CRTAC1: variants seen among roughly 807,000 people sequenced by gnomAD.
CRTAC1 encodes acidic secreted protein in cartilage.
In CRTAC1, 37 loss-of-function variants were observed where a neutral mutation model predicts 67.8. The ratio of observed to expected loss-of-function variants is 0.55; its 90% CI spans 0.42 to 0.72. The LOEUF is 0.72. Ranked by LOEUF, CRTAC1 falls within the 30% of genes least tolerant of loss-of-function variation. The pLI, the probability that CRTAC1 is intolerant of heterozygous loss-of-function variation, is 0.00. For missense variants in CRTAC1, 780 were observed against 931.6 expected, an observed-to-expected ratio of 0.84 and a Z score of 2.12; for synonymous variants, 348 against 371.0, an observed-to-expected ratio of 0.94 and a Z score of 0.71.
intron 2 of CRTAC1, among the ~76,000 whole-genome samples, chr10:97,945,829 T>G (rs568348069): frequency 6.6e-6 from 1 of 152,338 alleles, no homozygotes; most frequent in East Asian, 1.9e-4. Context: ...AAAGGGATGG[T>G]TGGCACCAAA....
chr10:97,982,899 A>G (rs1011980289), intron 2 of CRTAC1, among the ~76,000 whole-genome samples: 1 of 152,226 alleles, frequency 6.6e-6, no homozygotes, highest in Non-Finnish European at 1.5e-5. Flanking sequence ...GTAAATTAAC[A>G]AACAGCTTTT....
At chr10:97,970,139 C>T (rs1352987254) in intron 2 of CRTAC1, among the ~76,000 whole-genome samples, 1 of 152,222 alleles carries the variant, frequency 6.6e-6, no homozygotes, top group African/African-American at 2.4e-5. Context: ...CCTCTCCCAT[C>T]CCATACCCAA....
intron 1 of CRTAC1, among the ~76,000 whole-genome samples, chr10:98,012,299 G>A (rs932820431): frequency 2.0e-5 from 3 of 152,160 alleles, no homozygotes; most frequent in African/African-American, 4.8e-5. Flanking sequence ...CCAAGGAGGT[G>A]GAGGGATTCC....
At chr10:97,892,938 A>G (rs1360345044) in intron 11 of CRTAC1, among the ~76,000 whole-genome samples, 1 of 152,206 alleles carries the variant, frequency 6.6e-6, no homozygotes, top group African/African-American at 2.4e-5. Context: ...GTTCCCTATA[A>G]AAATTGGAGC....
At chr10:97,880,477 C>T (rs2050198688) in intron 13 of CRTAC1, 85 bp from the exon 14 acceptor site, 1 of 1,540,918 alleles carries the variant, frequency 6.5e-7, no homozygotes, top group Admixed American at 1.7e-5. Flanking sequence ...CACTGTCTGG[C>T]TTTGGGAATG....
chr10:97,899,258 C>G (rs1191227814), intron 8 of CRTAC1, among the ~76,000 whole-genome samples: 2 of 152,234 alleles, frequency 1.3e-5, no homozygotes. Context: ...AGCCACGTAC[C>G]TGGGAAGTGG....
intron 2 of CRTAC1, among the ~76,000 whole-genome samples, chr10:97,937,499 T>C (rs935479797): frequency 1.3e-5 from 2 of 152,224 alleles, no homozygotes; most frequent in Non-Finnish European, 2.9e-5. Context: ...CACTAGAATG[T>C]CTGCCTCATG....
chr10:97,935,260 C>T (rs1317346014), intron 3 of CRTAC1, among the ~76,000 whole-genome samples: 1 of 152,124 alleles, frequency 6.6e-6, no homozygotes, highest in Non-Finnish European at 1.5e-5. Context: ...ACCTACTAAT[C>T]GAGGTGTGTG....
chr10:97,899,758 G>A (rs116680313), intron 8 of CRTAC1, among the ~76,000 whole-genome samples: 2 of 152,186 alleles, frequency 1.3e-5, no homozygotes, highest in East Asian at 1.9e-4. Flanking sequence ...GCCCTCCCGG[G>A]AGATGGGGTA....
rs2136665482 is a variant in CRTAC1 at position 97,983,543 on chromosome 10, A to G, written c.224+27595T>C. Among the ~76,000 whole-genome samples, 2 of 152,314 alleles carry G rather than the reference A, an allele frequency of 1.3e-5. 1 individual carries two copies. The highest frequency in any genetic ancestry group is 4.1e-4 in the South Asian group (2 of 4,826). Reference sequence around the variant, plus strand: ...TGTGCTCTTTTGATCACAAAGAGATAGAAATTTCAAGACACCAAGGGACAG... The same window carrying G: ...TGTGCTCTTTTGATCACAAAGAGATGGAAATTTCAAGACACCAAGGGACAG... On this transcript the variant is annotated intron_variant, in intron 2 of 14. Coordinates refer to ENST00000370597, the MANE Select transcript of CRTAC1 (RefSeq NM_018058.7).
At chr10:97,890,326 C>A (rs2136549516) in intron 11 of CRTAC1, among the ~76,000 whole-genome samples, 1 of 152,072 alleles carries the variant, frequency 6.6e-6, no homozygotes, top group South Asian at 2.1e-4. Flanking sequence ...CTAGGCTGGT[C>A]TTGAACTCCT....
chr10:97,993,064 A>G (rs1842490668), intron 2 of CRTAC1, among the ~76,000 whole-genome samples: 1 of 152,204 alleles, frequency 6.6e-6, no homozygotes, highest in African/African-American at 2.4e-5. Context: ...TGCCAATTCA[A>G]ACAAAAACCA....
chr10:98,007,573 G>C (rs1044569163), intron 2 of CRTAC1, among the ~76,000 whole-genome samples: 1 of 152,100 alleles, frequency 6.6e-6, no homozygotes, highest in Non-Finnish European at 1.5e-5. Flanking sequence ...CTTTGCTGGG[G>C]GTGAGCAATA....
At chr10:98,024,228 C>T (rs564366189) in intron 1 of CRTAC1, among the ~76,000 whole-genome samples, 57 of 152,330 alleles carry the variant, frequency 3.7e-4, no homozygotes, top group South Asian at 1.0e-3. Flanking sequence ...TGTACTTGTC[C>T]GGTGCAAACA....
At chr10:97,973,168 T>G (rs1025051865) in intron 2 of CRTAC1, among the ~76,000 whole-genome samples, 13 of 152,186 alleles carry the variant, frequency 8.5e-5, no homozygotes, top group African/African-American at 3.1e-4. Context: ...GCATTACTTT[T>G]AGAATCAGAA....
At chr10:98,018,221 AAAAAAAAAAAAGAG>A (rs1843041002) in intron 1 of CRTAC1, among the ~76,000 whole-genome samples, 1 of 145,166 alleles carries the variant, frequency 6.9e-6, no homozygotes, top group African/African-American at 2.6e-5. Context: ...AAAAAAAAAA[AAAAAAAAAAAAGAG>A]AGAGAGAGAG....
rs375324645 is a variant in CRTAC1 at position 97,891,686 on chromosome 10, TG to T, written c.1486+3558del. ...TCACCTCTGTCTTTCTGTCGCCCCC[TG>T]TTCTCGCACCCCCATGTCCTTCCCT... is the stretch of plus-strand genomic sequence containing the variant. On this transcript the variant is annotated intron_variant, in intron 11 of 14. Coordinates refer to ENST00000370597, the MANE Select transcript of CRTAC1 (RefSeq NM_018058.7). 3.5e-4 allele frequency among the ~76,000 whole-genome samples: 53 copies of T among 152,338 alleles called. 1 individual carries two copies. The highest frequency in any genetic ancestry group is 3.4e-3 in the Middle Eastern group (1 of 294).
intron 2 of CRTAC1, among the ~76,000 whole-genome samples, chr10:97,991,168 G>A (rs931273662): frequency 1.3e-5 from 2 of 150,064 alleles, no homozygotes; most frequent in Non-Finnish European, 3.0e-5. Context: ...AGCTCAGGAG[G>A]CTGAGGTGGA....
intron 14 of CRTAC1, chr10:97,879,636 C>T (rs749539980): frequency 6.5e-7 from 1 of 1,531,818 alleles, no homozygotes; most frequent in South Asian, 1.2e-5. Flanking sequence ...TTTAGTTTTC[C>T]ACAAAGGCTG....
Sources: allele counts gnomAD v4.1 joint callset (sites outside exome capture counted in the v4.1 genomes callset), GRCh38; gene constraint gnomAD v4.1.1; transcripts MANE v1.5; gene names NCBI Gene and HGNC (gene_info 2026-07-23, HGNC 2026-07-21).